Variants in SLC24A2 observed in about 807,000 individuals in gnomAD.
SLC24A2 encodes solute carrier family 24 member 2.
Under a neutral mutation model 62.0 loss-of-function variants are expected in SLC24A2, and 36 were observed. The ratio of observed to expected loss-of-function variants is 0.58; its 90% CI spans 0.44 to 0.77. The LOEUF (loss-of-function observed/expected upper bound fraction) is 0.77. Among genes scored for constraint, SLC24A2 ranks in the 30% least tolerant of loss-of-function variants. The pLI, the probability that SLC24A2 is intolerant of heterozygous loss-of-function variation, is 0.00. For synonymous variants in SLC24A2, 358 were observed against 294.0 expected (o/e 1.22, Z -2.23); for missense variants, 846 against 817.9 (o/e 1.03, Z -0.42).
At chr9:19,857,521 ATCT>A in the SLC24A2 span, among the ~76,000 whole-genome samples, 1 of 152,196 alleles carries the variant, frequency 6.6e-6, no homozygotes, top group Non-Finnish European at 1.5e-5. Flanking sequence ...ATGTATTTAA[ATCT>A]TCTTTAATTT....
intron 2 of SLC24A2, among the ~76,000 whole-genome samples, chr9:19,775,147 C>G (rs1822808696): frequency 6.6e-6 from 1 of 152,168 alleles, no homozygotes; most frequent in African/African-American, 2.4e-5. Context: ...TGGCCTGGCG[C>G]CCAGATCCTT....
chr9:19,515,080 A>G lies in SLC24A2; in HGVS notation c.*1073T>C, dbSNP rs1452944839. On this transcript the variant is annotated 3_prime_UTR_variant, in exon 11 of 11. Coordinates refer to ENST00000341998, the MANE Select transcript of SLC24A2 (RefSeq NM_020344.4). Reference sequence around the variant, plus strand: ...TCTTGGCAGCCCTTAGCATCAAAATATATCTACATGACAATCACAGCTAAA... The same window carrying G: ...TCTTGGCAGCCCTTAGCATCAAAATGTATCTACATGACAATCACAGCTAAA... 1.3e-5 allele frequency: 2 copies of G among 152,176 alleles called. No individual in the cohort carries two copies. Among genetic ancestry groups the G allele is most frequent in the African/African-American group, 2.4e-5 (1 of 41,438 alleles). 9.4% of individuals were successfully genotyped at this position (152,176 alleles called of 1,614,324 possible). A position where few individuals can be genotyped will look rare whatever the true frequency, so the allele number is the denominator to read the frequency against.
chr9:20,123,797 CTCT>C, the SLC24A2 span, among the ~76,000 whole-genome samples: 4 of 152,140 alleles, frequency 2.6e-5, no homozygotes, highest in Non-Finnish European at 4.4e-5. Context: ...ATTTTCCACT[CTCT>C]TGTTTTAGAT....
the SLC24A2 span, among the ~76,000 whole-genome samples, chr9:20,140,963 G>A: frequency 5.9e-5 from 9 of 151,622 alleles, no homozygotes; most frequent in Non-Finnish European, 1.2e-4. Context: ...TCCTTGTCTC[G>A]CCTCCTGAAA....
the SLC24A2 span, among the ~76,000 whole-genome samples, chr9:20,192,540 T>C: frequency 6.6e-6 from 1 of 152,162 alleles, no homozygotes; most frequent in Non-Finnish European, 1.5e-5. Flanking sequence ...ATTCAGTCCA[T>C]TGTATCAGAA....
the SLC24A2 span, among the ~76,000 whole-genome samples, chr9:20,251,106 T>C: frequency 6.6e-6 from 1 of 152,184 alleles, no homozygotes; most frequent in Admixed American, 6.5e-5. Flanking sequence ...GAAAAGCACA[T>C]CTTCCTTTAT....
At chr9:20,201,653 G>A in the SLC24A2 span, among the ~76,000 whole-genome samples, 39 of 152,218 alleles carry the variant, frequency 2.6e-4, no homozygotes, top group East Asian at 7.1e-3. Flanking sequence ...TCCACAAAGA[G>A]TCCTTTTATT....
At chr9:20,199,453 G>A in the SLC24A2 span, among the ~76,000 whole-genome samples, 1 of 152,082 alleles carries the variant, frequency 6.6e-6, no homozygotes, top group Non-Finnish European at 1.5e-5. Flanking sequence ...CTTAACCATT[G>A]GCATCTGGGG....
intron 2 of SLC24A2, among the ~76,000 whole-genome samples, chr9:19,628,895 C>G (rs1359038493): frequency 1.3e-5 from 2 of 152,162 alleles, no homozygotes; most frequent in Non-Finnish European, 2.9e-5. Context: ...CAAAGCTGTC[C>G]TGGGCTGCTT....
At chr9:20,279,550 A>T in the SLC24A2 span, among the ~76,000 whole-genome samples, 1 of 152,210 alleles carries the variant, frequency 6.6e-6, no homozygotes, top group Admixed American at 6.5e-5. Context: ...AACAAAAAAT[A>T]AAAATAAAGG....
At chr9:19,950,547 G>A in the SLC24A2 span, among the ~76,000 whole-genome samples, 5 of 152,310 alleles carry the variant, frequency 3.3e-5, no homozygotes, top group African/African-American at 9.6e-5. Flanking sequence ...TAACAACCAC[G>A]TATCTTGGCA....
Position 19,512,955 on chromosome 9 carries a change from T to C in SLC24A2, c.*3198A>G, listed in dbSNP as rs978438124. On this transcript the variant is annotated 3_prime_UTR_variant, in exon 11 of 11. Transcript: ENST00000341998. ...GGGAAAATATGGGTACATATGTGTATATTTGTAAATATATGTGCATGGAAC... is the reference window on the plus strand; with the variant it reads ...GGGAAAATATGGGTACATATGTGTACATTTGTAAATATATGTGCATGGAAC... 1.3e-5 allele frequency: 2 copies of C among 151,852 alleles called. No individual in the cohort carries two copies. The highest frequency in any genetic ancestry group is 3.9e-4 in the East Asian group (2 of 5,172). The allele number at this position is 151,852 out of a possible 1,614,324, so 9.4% of individuals were successfully genotyped here.
chr9:20,162,611 T>A, the SLC24A2 span, among the ~76,000 whole-genome samples: 2 of 151,916 alleles, frequency 1.3e-5, no homozygotes, highest in African/African-American at 4.8e-5. Flanking sequence ...AAAGAGGGAA[T>A]CCTCCCTAAC....
chr9:19,822,420 G>C, the SLC24A2 span, among the ~76,000 whole-genome samples: 8 of 152,098 alleles, frequency 5.3e-5, no homozygotes, highest in African/African-American at 1.7e-4. Flanking sequence ...AGTCCTGAGA[G>C]CTTTAAGTAA....
chr9:20,295,182 C>T, the SLC24A2 span, among the ~76,000 whole-genome samples: 2 of 152,020 alleles, frequency 1.3e-5, no homozygotes, highest in African/African-American at 2.4e-5. Context: ...TCTAAAATTC[C>T]TAACATCTAA....
At chr9:19,597,005 G>A (rs1258780010) in intron 5 of SLC24A2, among the ~76,000 whole-genome samples, 1 of 152,132 alleles carries the variant, frequency 6.6e-6, no homozygotes, top group African/African-American at 2.4e-5. Flanking sequence ...AATTATGATG[G>A]TTTGAATTGT....
Position 19,543,858 on chromosome 9 carries a change from T to C in SLC24A2, c.1479+6279A>G, listed in dbSNP as rs191799069. On this transcript the variant is annotated intron_variant, in intron 8 of 10. Transcript: ENST00000341998. The stretch of plus-strand genomic sequence containing the variant: ...GAGTGTTTTACTTCCAATTATGTGG[T>C]CCATTTTAGAATAAGTGCGATGAGG... 7.7e-3 allele frequency among the ~76,000 whole-genome samples: 1,178 copies of C among 152,294 alleles called. 17 individuals carry two copies. The highest frequency in any genetic ancestry group is 0.027 in the African/African-American group (1,124 of 41,526).
the SLC24A2 span, among the ~76,000 whole-genome samples, chr9:20,200,381 C>T: frequency 6.6e-6 from 1 of 152,308 alleles, no homozygotes; most frequent in African/African-American, 2.4e-5. Flanking sequence ...ACCAAGAAAC[C>T]ATTCCTATAC....
the SLC24A2 span, among the ~76,000 whole-genome samples, chr9:19,925,364 G>T: frequency 3.7e-4 from 57 of 152,128 alleles, no homozygotes; most frequent in Non-Finnish European, 8.2e-4. Context: ...GTATTTACTT[G>T]ATCTTTTTGT....
Sources: allele counts gnomAD v4.1 joint callset (sites outside exome capture counted in the v4.1 genomes callset), GRCh38; gene constraint gnomAD v4.1.1; transcripts MANE v1.5; gene names NCBI Gene and HGNC (gene_info 2026-07-23, HGNC 2026-07-21).